The following AFF1 variants were observed in gnomAD, a reference collection of about 807,000 sequenced individuals.
AFF1 encodes AF4/FMR2 family member 1.
AFF1 carries 48 observed loss-of-function variants against 121.7 expected under a neutral mutation model. That is an observed-to-expected ratio of 0.39 (90% CI 0.31 to 0.50). The LOEUF (loss-of-function observed/expected upper bound fraction) is 0.50. AFF1 is among the 20% of genes least tolerant of loss of function. The probability of loss-of-function intolerance (pLI) is 0.76; values close to 1 mark genes in which losing one functional copy is unlikely to be tolerated. For synonymous variants in AFF1, 613 were observed against 563.0 expected, an observed-to-expected ratio of 1.09 and a Z score of -1.26; for missense variants, 1,523 against 1,511.7, an observed-to-expected ratio of 1.01 and a Z score of -0.12.
intron 2 of AFF1, among the ~76,000 whole-genome samples, chr4:86,964,766 A>G (rs914320894): frequency 6.6e-6 from 1 of 152,152 alleles, no homozygotes; most frequent in Admixed American, 6.5e-5. Flanking sequence ...TTCCTCTATC[A>G]TAGCTTACTA....
chr4:87,002,468 G>A (rs1387885284), intron 2 of AFF1, among the ~76,000 whole-genome samples: 1 of 115,106 alleles, frequency 8.7e-6, no homozygotes, highest in African/African-American at 3.3e-5. Context: ...GTCTCACTGT[G>A]TTGCCCAGGC....
intron 2 of AFF1, among the ~76,000 whole-genome samples, chr4:87,016,423 C>T (rs568302230): frequency 1.0e-4 from 15 of 148,658 alleles, no homozygotes; most frequent in East Asian, 8.2e-4. Context: ...TGGTGGCGGG[C>T]GCCTGTAGTC....
chr4:87,027,394 G>T (rs1320032192), intron 2 of AFF1, among the ~76,000 whole-genome samples: 1 of 152,232 alleles, frequency 6.6e-6, no homozygotes, highest in East Asian at 1.9e-4. Context: ...GAAATCATGT[G>T]TCTCACAAGT....
At chr4:86,966,414 A>G (rs1722544563) in intron 2 of AFF1, among the ~76,000 whole-genome samples, 1 of 151,934 alleles carries the variant, frequency 6.6e-6, no homozygotes, top group Admixed American at 6.6e-5. Context: ...TCTATCTCTG[A>G]CTTGCTTTCT....
At chr4:86,943,846 C>T (rs964367294) in intron 1 of AFF1, among the ~76,000 whole-genome samples, 1 of 151,994 alleles carries the variant, frequency 6.6e-6, no homozygotes, top group Non-Finnish European at 1.5e-5. Flanking sequence ...CCTGTAATCC[C>T]AGCTACTCGG....
At chr4:87,038,066 C>T (rs968911849) in intron 2 of AFF1, among the ~76,000 whole-genome samples, 1 of 152,034 alleles carries the variant, frequency 6.6e-6, no homozygotes, top group African/African-American at 2.4e-5. Context: ...TGAGATAATC[C>T]CCTGGGGGCT....
rs3035477 is a variant in AFF1 at position 86,963,963 on chromosome 4, G to GTTTTTTTTTTTTTT, written c.38+15400_38+15413dup. On this transcript the variant is annotated intron_variant, in intron 2 of 20. Coordinates refer to ENST00000395146, the MANE Select transcript of AFF1 (RefSeq NM_001166693.3). ...GGTGTGAGTCACCATGACTAGACTG[G>GTTTTTTTTTTTTTT]TTTTTTTTTTTTTTTTTTTTTAGTA... Among the ~76,000 whole-genome samples, 42 of 104,336 alleles carry GTTTTTTTTTTTTTT rather than the reference G, an allele frequency of 4.0e-4. 1 individual carries two copies. Among genetic ancestry groups the GTTTTTTTTTTTTTT allele is most frequent in the African/African-American group, 6.1e-4 (16 of 26,216 alleles). 68.4% of individuals were successfully genotyped at this position (104,336 alleles called of 152,430 possible).
At chr4:86,945,319 C>CTTTTTTTTT (rs72025655) in intron 1 of AFF1, among the ~76,000 whole-genome samples, 1 of 111,692 alleles carries the variant, frequency 9.0e-6, no homozygotes, top group Non-Finnish European at 1.7e-5. Context: ...TTTTCTTTTC[C>CTTTTTTTTT]TTTTTTTTTT....
intron 2 of AFF1, among the ~76,000 whole-genome samples, chr4:87,004,922 A>C (rs905733211): frequency 2.6e-5 from 4 of 152,210 alleles, no homozygotes; most frequent in Non-Finnish European, 4.4e-5. Flanking sequence ...ATCTGAAATG[A>C]GCTTTTTAAA....
chr4:87,104,684 A>G (rs1725735399), intron 8 of AFF1, among the ~76,000 whole-genome samples: 1 of 152,194 alleles, frequency 6.6e-6, no homozygotes, highest in South Asian at 2.1e-4. Context: ...AAAATTGTTG[A>G]TCAGATTTTT....
At chr4:86,936,022 GACGGGCC>G in intron 1 of AFF1, 1 of 152,086 alleles carries the variant, frequency 6.6e-6, no homozygotes, top group Non-Finnish European at 1.5e-5. Context: ...ATGGAGCTGC[GACGGGCC>G]TGCGGGCGGT....
intron 4 of AFF1, among the ~76,000 whole-genome samples, chr4:87,077,123 T>G (rs1336053223): frequency 1.3e-5 from 2 of 152,244 alleles, no homozygotes; most frequent in African/African-American, 4.8e-5. Flanking sequence ...ACTATGTAAG[T>G]ATGACTAACA....
chr4:87,123,172 G>A (rs374699464), intron 12 of AFF1, among the ~76,000 whole-genome samples: 1 of 152,158 alleles, frequency 6.6e-6, no homozygotes, highest in Non-Finnish European at 1.5e-5. Context: ...GGGATTACAG[G>A]CATGAGCCAC....
intron 2 of AFF1, chr4:87,036,871 C>T (rs11943683): frequency 0.016 from 7,644 of 464,258 alleles, 492 homozygotes; most frequent in African/African-American, 0.14. Flanking sequence ...CTTGCTCCAT[C>T]GCTGAGGCTG....
At chr4:87,118,731 C>T (rs1727368346) in intron 12 of AFF1, among the ~76,000 whole-genome samples, 1 of 152,162 alleles carries the variant, frequency 6.6e-6, no homozygotes, top group South Asian at 2.1e-4. Context: ...AGCAATCCTA[C>T]CTCAGCCTCC....
Position 87,114,829 on chromosome 4 carries a change from C to T in AFF1, c.1996C>T (p.Pro666Ser), listed in dbSNP as rs1381003110. Reference sequence around the variant, plus strand: ...GCCCCGGGCCGCAGCAAGCAACGAACCCAAGCCAGCAGTGCCCCCCTCCAG... The same window carrying T: ...GCCCCGGGCCGCAGCAAGCAACGAATCCAAGCCAGCAGTGCCCCCCTCCAG... The part of the protein sequence containing the change: ...GRPRAAASNE[P>S]KPAVPPSSEK... Residue 666 changes from proline to serine, a missense_variant, in exon 12 of 21, where the codon CCC becomes TCC. Pro to Ser is a moderately conservative substitution (Grantham distance 74, BLOSUM62 -1). This residue lies in a region of AFF1 where 905 missense variants were observed against 842.5 expected (regional missense o/e 1.07). Transcript: ENST00000395146. 2 of 1,613,864 alleles carry T rather than the reference C, an allele frequency of 1.2e-6. No individual in the cohort carries two copies. Among genetic ancestry groups the T allele is most frequent in the Non-Finnish European group, 8.5e-7 (1 of 1,179,908 alleles).
intron 2 of AFF1, among the ~76,000 whole-genome samples, chr4:86,985,233 G>A (rs1006122327): frequency 1.0e-4 from 12 of 117,986 alleles, no homozygotes; most frequent in Admixed American, 6.4e-4. Context: ...ATTTTAGGCC[G>A]GGCAGAGGGG....
intron 12 of AFF1, among the ~76,000 whole-genome samples, chr4:87,115,564 T>C (rs910886891): frequency 6.6e-6 from 1 of 150,874 alleles, no homozygotes; most frequent in Admixed American, 6.6e-5. Flanking sequence ...AAACAATAGC[T>C]TCTTTTAGGA....
intron 2 of AFF1, among the ~76,000 whole-genome samples, chr4:87,030,169 A>G (rs1728929817): frequency 6.6e-6 from 1 of 152,088 alleles, no homozygotes; most frequent in Admixed American, 6.6e-5. Context: ...GTTTCTTACT[A>G]ATTTAGGGAC....
Sources: gnomAD v4.1 joint callset for allele counts (sites outside exome capture counted in the v4.1 genomes callset) on GRCh38, gnomAD v4.1.1 for gene constraint, gnomAD v4.1.1 regional missense constraint, MANE v1.5 for transcripts, NCBI Gene and HGNC (gene_info 2026-07-23, HGNC 2026-07-21) for gene names.